EXOC6B: variants seen among roughly 807,000 people sequenced by gnomAD.
EXOC6B encodes SEC15 homolog B.
Under a neutral mutation model 113.5 loss-of-function variants are expected in EXOC6B, and 54 were observed. The ratio of observed to expected loss-of-function variants is 0.48; its 90% CI spans 0.38 to 0.60. The LOEUF (loss-of-function observed/expected upper bound fraction) is 0.60. Ranked by LOEUF, EXOC6B falls within the 20% of genes least tolerant of loss-of-function variation. The pLI, the probability that EXOC6B is intolerant of heterozygous loss-of-function variation, is 0.00. For missense variants in EXOC6B, 797 were observed against 977.5 expected (o/e 0.82, Z 2.46); for synonymous variants, 357 against 339.0 (o/e 1.05, Z -0.58).
chr2:72,427,811 G>T (rs1695294670), intron 18 of EXOC6B, among the ~76,000 whole-genome samples: 1 of 152,296 alleles, frequency 6.6e-6, no homozygotes, highest in Admixed American at 6.5e-5. Flanking sequence ...ACAGACCAGA[G>T]TGGGAACTTG....
At chr2:72,574,029 T>C (rs1416338925) in intron 7 of EXOC6B, among the ~76,000 whole-genome samples, 1 of 147,568 alleles carries the variant, frequency 6.8e-6, no homozygotes, top group African/African-American at 2.5e-5. Flanking sequence ...GGCAGGAGAA[T>C]GGCGTGAACC....
At chr2:72,338,121 C>A (rs538418800) in intron 19 of EXOC6B, among the ~76,000 whole-genome samples, 1 of 152,266 alleles carries the variant, frequency 6.6e-6, no homozygotes, top group South Asian at 2.1e-4. Flanking sequence ...CAGCTTTCCA[C>A]TTAGTAGCTC....
At chr2:72,468,364 T>C (rs1698188242) in intron 17 of EXOC6B, among the ~76,000 whole-genome samples, 1 of 152,214 alleles carries the variant, frequency 6.6e-6, no homozygotes, top group East Asian at 1.9e-4. Flanking sequence ...CTTGTAAATG[T>C]GGATATCCAG....
rs535738513 is a variant in EXOC6B, at chr2:72,581,555, T to C, written c.670-5887A>G. ...TATTATACTTAGGACCTTTTTTATT[T>C]AAATCGAGGAAGGTGGTCACTATAC... On this transcript the variant is annotated intron_variant, in intron 6 of 21. Transcript: ENST00000272427. 2.6e-5 allele frequency among the ~76,000 whole-genome samples: 4 copies of C among 152,260 alleles called. 1 individual carries two copies. Among genetic ancestry groups the C allele is most frequent in the African/African-American group, 9.6e-5 (4 of 41,548 alleles).
chr2:72,619,400 C>T (rs531811839), intron 6 of EXOC6B, among the ~76,000 whole-genome samples: 4 of 151,828 alleles, frequency 2.6e-5, no homozygotes, highest in African/African-American at 9.7e-5. Flanking sequence ...GATTGTCCAT[C>T]CATTAAAAAA....
intron 18 of EXOC6B, among the ~76,000 whole-genome samples, chr2:72,430,424 T>G (rs1300665981): frequency 6.6e-6 from 1 of 152,154 alleles, no homozygotes; most frequent in Non-Finnish European, 1.5e-5. Context: ...TCACTTGAGG[T>G]CAGGAGTTTG....
intron 1 of EXOC6B, among the ~76,000 whole-genome samples, chr2:72,748,642 C>T (rs990715990): frequency 2.0e-5 from 3 of 151,982 alleles, no homozygotes; most frequent in Non-Finnish European, 4.4e-5. Flanking sequence ...TCTGAAGATA[C>T]CAAGGTATCC....
At chr2:72,226,541 A>C (rs1175726028) in intron 20 of EXOC6B, among the ~76,000 whole-genome samples, 1 of 152,238 alleles carries the variant, frequency 6.6e-6, no homozygotes, top group Non-Finnish European at 1.5e-5. Context: ...ACAAGGAACT[A>C]CAGGGCAGTT....
intron 17 of EXOC6B, among the ~76,000 whole-genome samples, chr2:72,470,436 G>A (rs1264964286): frequency 6.6e-6 from 1 of 151,918 alleles, no homozygotes; most frequent in Non-Finnish European, 1.5e-5. Context: ...TTTATATCCT[G>A]CAACTTTACT....
In EXOC6B at chr2:72,334,886, C is replaced by A. The variant is rs562975214; in HGVS notation, c.2196+61G>T. 41 of 1,512,086 alleles carry A rather than the reference C, an allele frequency of 2.7e-5. No individual in the cohort carries two copies. The East Asian group carries it at 4.7e-4, about 18-fold the overall frequency. 93.7% of individuals were successfully genotyped at this position (1,512,086 alleles called of 1,614,324 possible). ...CCTCCCTTCCCCTTTTCCTTAAGAC[C>A]TGATGGTCTTCAGTCACACATCTTA... On this transcript the variant is annotated intron_variant, in intron 20 of 21. Coordinates refer to ENST00000272427, the MANE Select transcript of EXOC6B (RefSeq NM_015189.3).
chr2:72,247,531 T>A (rs1682744433), intron 20 of EXOC6B, among the ~76,000 whole-genome samples: 1 of 152,182 alleles, frequency 6.6e-6, no homozygotes, highest in African/African-American at 2.4e-5. Context: ...TTCTCAAGGA[T>A]AATATACTGT....
chr2:72,759,259 C>T (rs1400156635), intron 1 of EXOC6B, among the ~76,000 whole-genome samples: 1 of 152,162 alleles, frequency 6.6e-6, no homozygotes, highest in African/African-American at 2.4e-5. Flanking sequence ...ATACAGAAAG[C>T]ATTCTATAAA....
chr2:72,724,680 T>G (rs1680201555), intron 5 of EXOC6B, among the ~76,000 whole-genome samples: 1 of 151,860 alleles, frequency 6.6e-6, no homozygotes, highest in African/African-American at 2.4e-5. Context: ...AAACAGCAAT[T>G]AGAACAATGT....
intron 8 of EXOC6B, among the ~76,000 whole-genome samples, chr2:72,539,284 C>T (rs1702463878): frequency 6.6e-6 from 1 of 152,216 alleles, no homozygotes; most frequent in African/African-American, 2.4e-5. Flanking sequence ...CCTTTGTGAG[C>T]AGGCAAGGGA....
At chr2:72,360,413 A>G (rs1396810486) in intron 19 of EXOC6B, among the ~76,000 whole-genome samples, 1 of 152,150 alleles carries the variant, frequency 6.6e-6, no homozygotes, top group Non-Finnish European at 1.5e-5. Context: ...TTATACTACA[A>G]GTTCATTTCC....
In EXOC6B at chr2:72,221,029, T is replaced by A. The variant is rs1412568178; in HGVS notation, c.2197-36842A>T. Among the ~76,000 whole-genome samples the A allele has an allele frequency of 3.9e-5, 6 of 152,220 alleles. No individual in the cohort carries two copies. The East Asian group carries it at 7.7e-4, about 20-fold the overall frequency. ...TTTTGAAACGCACAATAGATTACTG[T>A]AAACCATAGTCACTCTACTGATCTG... On this transcript the variant is annotated intron_variant, in intron 20 of 21. Coordinates refer to ENST00000272427, the MANE Select transcript of EXOC6B (RefSeq NM_015189.3).
At position 72,401,646 on chromosome 2, in the gene EXOC6B, CATAT is replaced by C. The variant is rs72155589; in HGVS notation, c.1981-21780_1981-21777del. On this transcript the variant is annotated intron_variant, in intron 18 of 21. Coordinates refer to ENST00000272427, the MANE Select transcript of EXOC6B (RefSeq NM_015189.3). ...ACATATATATATATATACATATATACATATATATATATATATATATGTATATATA... is the reference window on the plus strand; with the variant it reads ...ACATATATATATATATACATATATACATATATATATATATATGTATATATA... Among the ~76,000 whole-genome samples the C allele has an allele frequency of 4.2e-3, 87 of 20,690 alleles. 2 individuals carry two copies. Among genetic ancestry groups the C allele is most frequent in the South Asian group, 7.4e-3 (8 of 1,074 alleles). The allele number at this position is 20,690 out of a possible 152,430, so 13.6% of individuals were successfully genotyped here. A position where few individuals can be genotyped will look rare whatever the true frequency, so the allele number is the denominator to read the frequency against.
intron 1 of EXOC6B, among the ~76,000 whole-genome samples, chr2:72,787,343 C>A (rs11126381): frequency 0.56 from 84,209 of 151,456 alleles, 28,304 homozygotes; most frequent in East Asian, 0.94. Context: ...TCCCAAGTAG[C>A]TGAGATTATA....
chr2:72,638,590 G>A (rs931787453), intron 6 of EXOC6B, among the ~76,000 whole-genome samples: 19 of 152,156 alleles, frequency 1.2e-4, no homozygotes, highest in Non-Finnish European at 1.2e-4. Flanking sequence ...AATAGCCCCA[G>A]GAGAATGGGT....
Sources: allele counts gnomAD v4.1 joint callset (sites outside exome capture counted in the v4.1 genomes callset), GRCh38; gene constraint gnomAD v4.1.1; transcripts MANE v1.5; gene names NCBI Gene and HGNC (gene_info 2026-07-23, HGNC 2026-07-21).